Variants in RHEB observed in about 807,000 individuals in gnomAD.
RHEB encodes the protein GTP-binding protein Rheb.
A neutral mutation model predicts 28.8 loss-of-function variants in RHEB; 2 were observed. The observed-to-expected ratio is 0.07, with a 90% CI of 0.03 to 0.22. The LOEUF (loss-of-function observed/expected upper bound fraction) is 0.22, where lower values mean the gene tolerates loss of function less well. Ranked by LOEUF, RHEB falls within the 10% of genes least tolerant of loss-of-function variation. The probability of loss-of-function intolerance (pLI) is 1.00; values close to 1 mark genes in which losing one functional copy is unlikely to be tolerated. For missense variants in RHEB, 76 were observed against 219.9 expected (o/e 0.35, Z 4.14); for synonymous variants, 69 against 77.3 (o/e 0.89, Z 0.56).
chr7:151,511,469 T>C (rs887040199), intron 1 of RHEB, among the ~76,000 whole-genome samples: 1 of 152,180 alleles, frequency 6.6e-6, no homozygotes, highest in African/African-American at 2.4e-5. Context: ...ACTGCCCTGC[T>C]TTCTTAACTT....
intron 1 of RHEB, among the ~76,000 whole-genome samples, chr7:151,513,124 C>T (rs12112989): frequency 0.51 from 77,978 of 151,888 alleles, 20,124 homozygotes; most frequent in South Asian, 0.6. Context: ...ATATTCTGCA[C>T]GACAAAATGA....
chr7:151,488,354 C>A (rs1802521017), intron 2 of RHEB, among the ~76,000 whole-genome samples: 1 of 152,094 alleles, frequency 6.6e-6, no homozygotes, highest in Non-Finnish European at 1.5e-5. Flanking sequence ...AAATGTGTCA[C>A]CACTGAGTGT....
chr7:151,509,990 T>C (rs553882540), intron 1 of RHEB, among the ~76,000 whole-genome samples: 2 of 152,328 alleles, frequency 1.3e-5, no homozygotes, highest in African/African-American at 4.8e-5. Context: ...CAGTCCCTGG[T>C]ATAGATCATC....
At chr7:151,518,481 G>A (rs1022749710) in intron 1 of RHEB, among the ~76,000 whole-genome samples, 4 of 152,066 alleles carry the variant, frequency 2.6e-5, no homozygotes, top group African/African-American at 9.7e-5. Context: ...AAAACAGCCC[G>A]AAAAGATGAA....
intron 7 of RHEB, 58 bp downstream of exon 7, chr7:151,470,513 A>G: frequency 5.9e-6 from 7 of 1,192,112 alleles, no homozygotes; most frequent in Non-Finnish European, 7.5e-6. Context: ...ACTGCAAGGA[A>G]CACATCCCTG....
At chr7:151,518,682 T>A (rs1314860624) in intron 1 of RHEB, among the ~76,000 whole-genome samples, 2 of 152,164 alleles carry the variant, frequency 1.3e-5, no homozygotes, top group Admixed American at 1.3e-4. Flanking sequence ...TTCAAATGTA[T>A]GTCAACCTTT....
Position 151,502,474 on chromosome 7 carries a change from T to C in RHEB, c.53-11460A>G, listed in dbSNP as rs913249583. 10 of 877,402 alleles carry C rather than the reference T, an allele frequency of 1.1e-5. No homozygotes were observed. The African/African-American group carries it at 1.5e-4, about 13-fold the overall frequency. 54.4% of individuals were successfully genotyped at this position (877,402 alleles called of 1,614,324 possible). A position where few individuals can be genotyped will look rare whatever the true frequency, so the allele number is the denominator to read the frequency against. On this transcript the variant is annotated intron_variant, in intron 1 of 7. Transcript: ENST00000262187. ...CTCCAGATGGTCTGGTTGTTTACTG[T>C]GGAACAACTGTAACAGAAGAAGGAA...
chr7:151,471,723 T>TA, intron 4 of RHEB, 118 bp from the exon 5 acceptor site: 1 of 677,050 alleles, frequency 1.5e-6, no homozygotes, highest in Non-Finnish European at 2.5e-6. Context: ...TAACATAACA[T>TA]AAAATGAACA....
At chr7:151,503,150 G>A (rs930276418) in intron 1 of RHEB, 63 of 792,034 alleles carry the variant, frequency 8.0e-5, no homozygotes, top group Admixed American at 6.9e-5. Flanking sequence ...AATGAGATAT[G>A]TTCTTTATTG....
Position 151,468,337 on chromosome 7 carries a change from T to TC in RHEB, c.463-1127dup, listed in dbSNP as rs1474791898. Among the ~76,000 whole-genome samples, 1 of 152,350 alleles carries TC rather than the reference T, an allele frequency of 6.6e-6. No homozygotes were observed. Among genetic ancestry groups the TC allele is most frequent in the East Asian group, 1.9e-4 (1 of 5,190 alleles). On this transcript the variant is annotated intron_variant, in intron 7 of 7. Coordinates refer to ENST00000262187, the MANE Select transcript of RHEB (RefSeq NM_005614.4). This position sits in a 1 kb window ranked among gnomAD's most constrained non-coding sequence, Gnocchi z 4.3. ...CCTTTCCCTCTCGGTCAGCTCAGAC[T>TC]CAGCAGGCCACCATGGCGCCACTGT...
At chr7:151,476,199 A>AATGTT (rs1387913312) in intron 4 of RHEB, among the ~76,000 whole-genome samples, 2 of 152,180 alleles carry the variant, frequency 1.3e-5, no homozygotes, top group African/African-American at 4.8e-5. Context: ...CACGGAGAAA[A>AATGTT]ATGTTAAACA....
intron 1 of RHEB, among the ~76,000 whole-genome samples, chr7:151,508,303 T>C (rs963836019): frequency 6.6e-6 from 1 of 152,206 alleles, no homozygotes; most frequent in Non-Finnish European, 1.5e-5. Context: ...GTTAAAACCA[T>C]TCATATTTTA....
chr7:151,493,497 C>T (rs2150930632), intron 1 of RHEB, among the ~76,000 whole-genome samples: 1 of 152,290 alleles, frequency 6.6e-6, no homozygotes, highest in South Asian at 2.1e-4. Context: ...CCACTGAAGC[C>T]AGCACAGGGC....
intron 1 of RHEB, among the ~76,000 whole-genome samples, chr7:151,515,287 G>A (rs1803058991): frequency 6.6e-6 from 1 of 152,206 alleles, no homozygotes; most frequent in Non-Finnish European, 1.5e-5. Context: ...AATGTCCAGA[G>A]TAAGTAAATT....
At chr7:151,490,291 A>T (rs1802557745) in intron 2 of RHEB, among the ~76,000 whole-genome samples, 1 of 152,192 alleles carries the variant, frequency 6.6e-6, no homozygotes, top group South Asian at 2.1e-4. Context: ...ATAAAATAAA[A>T]TAAATAAATA....
At chr7:151,476,082 A>G (rs778859746) in intron 4 of RHEB, among the ~76,000 whole-genome samples, 15 of 152,244 alleles carry the variant, frequency 9.9e-5, no homozygotes, top group South Asian at 8.3e-4. Context: ...TTCAGGTGTA[A>G]ACTTTCTCGG....
At chr7:151,491,871 T>A (rs967209906) in intron 1 of RHEB, among the ~76,000 whole-genome samples, 9 of 152,218 alleles carry the variant, frequency 5.9e-5, no homozygotes, top group Non-Finnish European at 1.3e-4. Context: ...GTTATGGATT[T>A]CACAAAATCG....
intron 3 of RHEB, among the ~76,000 whole-genome samples, chr7:151,479,498 C>T (rs1340834514): frequency 2.0e-5 from 3 of 152,010 alleles, no homozygotes; most frequent in East Asian, 3.9e-4. Flanking sequence ...CTGGCTAACA[C>T]AGTGAAACCC....
chr7:151,497,495 C>CT (rs945064171), intron 1 of RHEB, among the ~76,000 whole-genome samples: 4 of 152,196 alleles, frequency 2.6e-5, no homozygotes, highest in African/African-American at 9.7e-5. Context: ...CCTCCAGCTC[C>CT]TACCAGCAAC....
Sources: allele counts gnomAD v4.1 joint callset (sites outside exome capture counted in the v4.1 genomes callset), GRCh38; gene constraint gnomAD v4.1.1; non-coding constraint Gnocchi (gnomAD v3.1); transcripts MANE v1.5; gene names NCBI Gene and HGNC (gene_info 2026-07-23, HGNC 2026-07-21).